Variants in PRIM2 observed in about 807,000 individuals in gnomAD.
PRIM2 encodes the protein DNA primase subunit 2, also known as DNA primase large subunit.
PRIM2 carries 39 observed loss-of-function variants against 67.3 expected under a neutral mutation model. The ratio of observed to expected loss-of-function variants is 0.58; its 90% confidence interval spans 0.45 to 0.76. The LOEUF (loss-of-function observed/expected upper bound fraction) is 0.76. PRIM2 is among the 30% of genes least tolerant of loss of function. PRIM2 has a pLI of 0.00. For synonymous variants in PRIM2, 143 were observed against 198.7 expected, an observed-to-expected ratio of 0.72 and a Z score of 2.36; for missense variants, 398 against 598.7, an observed-to-expected ratio of 0.66 and a Z score of 3.50.
chr6:57,502,937 A>G (rs1774170419), intron 7 of PRIM2, among the ~76,000 whole-genome samples: 1 of 152,196 alleles, frequency 6.6e-6, no homozygotes, highest in Admixed American at 6.5e-5. Flanking sequence ...ATTTAGCTGG[A>G]AATGAAAAGA....
intron 5 of PRIM2, among the ~76,000 whole-genome samples, chr6:57,366,765 G>T (rs1769376806): frequency 6.6e-6 from 1 of 152,122 alleles, no homozygotes; most frequent in South Asian, 2.1e-4. Context: ...GTGCCAGAAG[G>T]ATATGATGAA....
At chr6:57,617,091 T>C (rs1776769390) in intron 12 of PRIM2, among the ~76,000 whole-genome samples, 3 of 152,224 alleles carry the variant, frequency 2.0e-5, no homozygotes, top group Admixed American at 2.0e-4. Context: ...GTCAAGGTGT[T>C]GGCAGGTTAA....
intron 12 of PRIM2, among the ~76,000 whole-genome samples, chr6:57,618,091 T>TA (rs1471326086): frequency 6.6e-6 from 1 of 152,214 alleles, no homozygotes; most frequent in Non-Finnish European, 1.5e-5. Context: ...TGTACTGGTC[T>TA]ATATGTCTGT....
At chr6:57,578,700 G>A (rs1776008100) in intron 10 of PRIM2, among the ~76,000 whole-genome samples, 1 of 134,086 alleles carries the variant, frequency 7.5e-6, no homozygotes, top group Non-Finnish European at 1.6e-5. Flanking sequence ...TTTTTGAGAC[G>A]GAGTCTCGCT....
intron 10 of PRIM2, among the ~76,000 whole-genome samples, chr6:57,550,767 G>A (rs1322421671): frequency 6.6e-6 from 1 of 152,088 alleles, no homozygotes; most frequent in African/African-American, 2.4e-5. Context: ...ACTCTTAGGG[G>A]AAAATGACAA....
At chr6:57,275,287 A>G in the PRIM2 span, among the ~76,000 whole-genome samples, 1 of 152,076 alleles carries the variant, frequency 6.6e-6, no homozygotes, top group Admixed American at 6.5e-5. Context: ...AAGGTGGGTG[A>G]ATCAAATGAG....
At chr6:57,364,037 C>T (rs1769276574) in intron 5 of PRIM2, among the ~76,000 whole-genome samples, 1 of 148,688 alleles carries the variant, frequency 6.7e-6, no homozygotes, top group Non-Finnish European at 1.5e-5. Context: ...GTTCTACTCC[C>T]ATTGAATTTT....
At chr6:57,466,188 A>G (rs1464812206) in intron 7 of PRIM2, among the ~76,000 whole-genome samples, 2 of 152,182 alleles carry the variant, frequency 1.3e-5, no homozygotes, top group African/African-American at 4.8e-5. Context: ...TCCATGGTGT[A>G]TATGTGCCAC....
the PRIM2 span, among the ~76,000 whole-genome samples, chr6:57,309,101 T>C: frequency 6.6e-6 from 1 of 151,938 alleles, no homozygotes. Context: ...GCCCTGTTTG[T>C]GTCCCTGGGT....
chr6:57,422,667 C>T (rs1771503866), intron 7 of PRIM2, among the ~76,000 whole-genome samples: 1 of 151,868 alleles, frequency 6.6e-6, no homozygotes, highest in Non-Finnish European at 1.5e-5. Context: ...ATCAGAATTT[C>T]AGTGGCAATA....
intron 7 of PRIM2, among the ~76,000 whole-genome samples, chr6:57,464,863 T>A (rs1254088524): frequency 3.3e-5 from 5 of 152,206 alleles, no homozygotes; most frequent in Non-Finnish European, 7.3e-5. Context: ...TTACATTTAA[T>A]CTTAACAGTA....
intron 7 of PRIM2, among the ~76,000 whole-genome samples, chr6:57,393,252 G>A (rs1343654445): frequency 1.3e-5 from 2 of 152,220 alleles, no homozygotes; most frequent in Admixed American, 6.5e-5. Context: ...CATTGTGGCT[G>A]TACTAGTTTA....
intron 7 of PRIM2, among the ~76,000 whole-genome samples, chr6:57,446,415 C>CTTTTTTTTTTTT (rs1581912466): frequency 6.9e-5 from 3 of 43,292 alleles, no homozygotes; most frequent in African/African-American, 2.6e-4. Context: ...GCACACGCCA[C>CTTTTTTTTTTTT]TTCTTTTTTT....
chr6:57,335,863 G>A (rs949107239), intron 5 of PRIM2, among the ~76,000 whole-genome samples: 19 of 152,230 alleles, frequency 1.2e-4, no homozygotes. Flanking sequence ...GACGGAGAAT[G>A]ACTTTGACGA....
At chr6:57,595,188 T>C (rs1455549435) in intron 10 of PRIM2, among the ~76,000 whole-genome samples, 1 of 152,172 alleles carries the variant, frequency 6.6e-6, no homozygotes, top group Non-Finnish European at 1.5e-5. Flanking sequence ...TGGAAAATGT[T>C]TGGCAGCAAT....
chr6:57,309,818 C>G (rs1178697936), upstream of PRIM2, among the ~76,000 whole-genome samples: 9 of 152,352 alleles, frequency 5.9e-5, no homozygotes, highest in Middle Eastern at 3.4e-3. Context: ...CACATCCTCT[C>G]TAGCACCTGT....
chr6:57,312,118 A>G (rs549003864), upstream of PRIM2, among the ~76,000 whole-genome samples: 3 of 151,920 alleles, frequency 2.0e-5, no homozygotes, highest in Non-Finnish European at 4.4e-5. Context: ...TTATCTTGAT[A>G]CTAACAATGA....
chr6:57,330,384 T>TTTTTTTTTG (rs1768018459), intron 5 of PRIM2, among the ~76,000 whole-genome samples: 1 of 35,144 alleles, frequency 2.8e-5, no homozygotes, highest in Non-Finnish European at 5.6e-5. Flanking sequence ...TGTTTTTTTG[T>TTTTTTTTTG]TTTTTTTTTT....
At chr6:57,433,989 A>G (rs1771926721) in intron 7 of PRIM2, among the ~76,000 whole-genome samples, 2 of 151,044 alleles carry the variant, frequency 1.3e-5, no homozygotes, top group African/African-American at 4.9e-5. Flanking sequence ...CAGTGGCGCA[A>G]TCTCAGCTCA....
Sources: gnomAD v4.1 joint callset for allele counts (sites outside exome capture counted in the v4.1 genomes callset) on GRCh38, gnomAD v4.1.1 for gene constraint, MANE v1.5 for transcripts, NCBI Gene and HGNC (gene_info 2026-07-23, HGNC 2026-07-21) for gene names.